MILR1: variants seen among roughly 807,000 people sequenced by gnomAD.
MILR1 encodes allergin-1.
MILR1 carries 31 observed loss-of-function variants against 18.5 expected under a neutral mutation model. The ratio of observed to expected loss-of-function variants is 1.68; its 90% CI spans 1.26 to 2.26. The LOEUF (loss-of-function observed/expected upper bound fraction) is 2.26. Among genes scored for constraint, MILR1 ranks in the 30% most tolerant of loss-of-function variants. The pLI is 0.00. For synonymous variants in MILR1, 85 were observed against 56.2 expected, an observed-to-expected ratio of 1.51 and a Z score of -2.30; for missense variants, 257 against 157.4, an observed-to-expected ratio of 1.63 and a Z score of -3.38.
At chr17:64,489,714 A>G in the MILR1 span, among the ~76,000 whole-genome samples, 3 of 151,884 alleles carry the variant, frequency 2.0e-5, no homozygotes, top group Non-Finnish European at 2.9e-5. Flanking sequence ...CTATCACCAT[A>G]CCACTGTGTT....
the MILR1 span, chr17:64,485,912 T>C: frequency 1.9e-6 from 3 of 1,604,352 alleles, no homozygotes; most frequent in Non-Finnish European, 2.6e-6. Flanking sequence ...CACAGAACTT[T>C]TTTTGTTTGT....
At chr17:64,451,434 C>A (rs2037168604) in intron 2 of MILR1, among the ~76,000 whole-genome samples, 1 of 152,216 alleles carries the variant, frequency 6.6e-6, no homozygotes, top group Admixed American at 6.5e-5. Context: ...AGCCACCATG[C>A]CTGGCCAATC....
the MILR1 span, among the ~76,000 whole-genome samples, chr17:64,474,072 G>A: frequency 5.9e-5 from 9 of 151,936 alleles, no homozygotes; most frequent in African/African-American, 2.2e-4. Context: ...TTTTTCATTT[G>A]TTATTATTAT....
chr17:64,466,252 A>C (rs563452116), intron 6 of MILR1, among the ~76,000 whole-genome samples, 190 bp from the exon 7 acceptor site: 97 of 152,200 alleles, frequency 6.4e-4, no homozygotes, highest in Non-Finnish European at 1.1e-3. Context: ...CTCCCATGAG[A>C]TGTGGGGATT....
the MILR1 span, chr17:64,482,876 C>A: frequency 1.8e-6 from 2 of 1,135,806 alleles, no homozygotes; most frequent in Admixed American, 1.7e-5. Context: ...TTGGATAATA[C>A]TCAATCTGTA....
At chr17:64,485,905 A>C in the MILR1 span, 1 of 1,611,166 alleles carries the variant, frequency 6.2e-7, no homozygotes, top group Non-Finnish European at 8.5e-7. Context: ...ATCATTTCAC[A>C]GAACTTTTTT....
At chr17:64,480,243 A>C in the MILR1 span, 97 of 770,916 alleles carry the variant, frequency 1.3e-4, 1 homozygote, top group Middle Eastern at 5.7e-3. Context: ...AACATAATCA[A>C]AAACTCTTGA....
chr17:64,491,412 G>C, the MILR1 span: 1 of 690,204 alleles, frequency 1.4e-6, no homozygotes, highest in Non-Finnish European at 2.4e-6. Flanking sequence ...CTGGGTAACA[G>C]AGCAAGACTT....
At chr17:64,451,361 G>A (rs935950799) in intron 2 of MILR1, among the ~76,000 whole-genome samples, 7 of 151,454 alleles carry the variant, frequency 4.6e-5, no homozygotes, top group African/African-American at 9.7e-5. Context: ...GGCTGGTCTC[G>A]AACTCCTGGA....
rs2037205958 is a variant in MILR1 at position 64,452,882 on chromosome 17, G to T, written c.367+16G>T. ...ACGATTGTCGGTAAGTAGAGTGCCT[G>T]TTCCTTGGAGCCCCTATAATTTATA... On this transcript the variant is annotated intron_variant, in intron 3 of 9. Coordinates refer to ENST00000619286, the MANE Select transcript of MILR1 (RefSeq NM_001085423.2). 1 of 474,242 alleles carries T rather than the reference G, an allele frequency of 2.1e-6. No homozygotes were observed. Among genetic ancestry groups the T allele is most frequent in the Non-Finnish European group, 3.9e-6 (1 of 258,674 alleles). 29.4% of individuals were successfully genotyped at this position (474,242 alleles called of 1,614,324 possible).
chr17:64,456,927 A>G (rs2037313191), intron 3 of MILR1, among the ~76,000 whole-genome samples: 1 of 152,142 alleles, frequency 6.6e-6, no homozygotes, highest in Admixed American at 6.6e-5. Flanking sequence ...CTGTAACCAC[A>G]GCACTTTGGG....
At chr17:64,481,448 T>C in the MILR1 span, 6 of 983,712 alleles carry the variant, frequency 6.1e-6, no homozygotes, top group Non-Finnish European at 7.2e-6. Context: ...AAGGAGTCTC[T>C]GGAACGAAAT....
the MILR1 span, chr17:64,490,753 G>C: frequency 6.8e-7 from 1 of 1,476,172 alleles, no homozygotes; most frequent in Non-Finnish European, 9.5e-7. Context: ...TGATTATAGA[G>C]AATCTGGGTA....
At chr17:64,482,096 CTTTT>C in the MILR1 span, among the ~76,000 whole-genome samples, 1 of 116,042 alleles carries the variant, frequency 8.6e-6, no homozygotes, top group African/African-American at 3.3e-5. Flanking sequence ...TTAATTAAAG[CTTTT>C]TTTTTTTTTT....
At chr17:64,493,053 T>G in the MILR1 span, 2 of 1,612,194 alleles carry the variant, frequency 1.2e-6, no homozygotes, top group Non-Finnish European at 8.5e-7. Context: ...ATTGTATACA[T>G]CTAGTCCACA....
chr17:64,495,623 C>A, the MILR1 span, among the ~76,000 whole-genome samples: 1 of 152,282 alleles, frequency 6.6e-6, no homozygotes, highest in Middle Eastern at 3.4e-3. Context: ...CCATATTTAA[C>A]ATTAGTTTAT....
Position 64,465,484 on chromosome 17 carries a change from C to G in MILR1, c.796C>G (p.Arg266Gly), listed in dbSNP as rs547973313. ...TATGAGAAATAATGTGCCCAGGGACCGTGGAGACACAGCCATGGAAGTTGG... is the reference window on the plus strand; with the variant it reads ...TATGAGAAATAATGTGCCCAGGGACGGTGGAGACACAGCCATGGAAGTTGG... ...KAMRNNVPRD[R>G]GDTAMEVGIY... The change falls in exon 6 of 10, where the codon CGT becomes GGT. Residue 266 changes from arginine (R) to glycine (G), a missense_variant. Physicochemically the swap from Arg to Gly is moderately radical, Grantham distance 125 (BLOSUM62 -2). Transcript: ENST00000619286. 1 of 1,610,534 alleles carries G rather than the reference C, an allele frequency of 6.2e-7. No homozygotes were observed. Among genetic ancestry groups the G allele is most frequent in the South Asian group, 1.1e-5 (1 of 90,046 alleles).
chr17:64,491,454 G>A, the MILR1 span: 6 of 935,174 alleles, frequency 6.4e-6, no homozygotes, highest in East Asian at 2.5e-5. Context: ...AAGTTGCAGT[G>A]AGCTGTGATT....
chr17:64,495,832 C>T, the MILR1 span, among the ~76,000 whole-genome samples: 1 of 151,932 alleles, frequency 6.6e-6, no homozygotes, highest in African/African-American at 2.4e-5. Flanking sequence ...CCTCAGCCTC[C>T]CAAGTAGCTG....
Sources: allele counts gnomAD v4.1 joint callset (sites outside exome capture counted in the v4.1 genomes callset), GRCh38; gene constraint gnomAD v4.1.1; transcripts MANE v1.5; gene names NCBI Gene and HGNC (gene_info 2026-07-23, HGNC 2026-07-21).